Variants in SPHKAP observed in about 807,000 individuals in gnomAD.
SPHKAP encodes the protein SPHK1 interactor, AKAP domain containing.
Under a neutral mutation model 137.5 loss-of-function variants are expected in SPHKAP, and 67 were observed. The ratio of observed to expected loss-of-function variants is 0.49; its 90% confidence interval spans 0.40 to 0.60. SPHKAP has a LOEUF of 0.60. SPHKAP is among the 20% of genes least tolerant of loss of function. The pLI is 0.00. For synonymous variants in SPHKAP, 813 were observed against 785.3 expected, an observed-to-expected ratio of 1.04 and a Z score of -0.59; for missense variants, 2,097 against 2,069.3, an observed-to-expected ratio of 1.01 and a Z score of -0.26.
rs149661483 is a variant in SPHKAP, at chr2:228,026,333, A to G, written c.307-805T>C. 6.8e-4 allele frequency among the ~76,000 whole-genome samples: 104 copies of G among 152,320 alleles called. 1 individual carries two copies. Among genetic ancestry groups the G allele is most frequent in the Middle Eastern group, 3.4e-3 (1 of 294 alleles). ...TAATAATTATAATAAAATTGTGACT[A>G]GCATTGATTTTACTCTGTGTACTAA... On this transcript the variant is annotated intron_variant, in intron 4 of 11. Coordinates refer to ENST00000392056, the MANE Select transcript of SPHKAP (RefSeq NM_001142644.2).
intron 1 of SPHKAP, among the ~76,000 whole-genome samples, chr2:228,162,295 A>G (rs918008154): frequency 6.6e-6 from 1 of 152,210 alleles, no homozygotes; most frequent in Non-Finnish European, 1.5e-5. Context: ...TTCAGAATCA[A>G]AAGAGCTAAA....
intron 1 of SPHKAP, among the ~76,000 whole-genome samples, chr2:228,135,378 G>A (rs190580052): frequency 7.2e-5 from 11 of 152,204 alleles, no homozygotes; most frequent in African/African-American, 2.4e-4. Flanking sequence ...CCAAAATTGG[G>A]GTGATGTAAA....
chr2:228,172,013 A>C (rs922613340), intron 1 of SPHKAP, among the ~76,000 whole-genome samples: 1 of 151,220 alleles, frequency 6.6e-6, no homozygotes, highest in Non-Finnish European at 1.5e-5. Flanking sequence ...AGAGGCTTAT[A>C]AATTATGGTA....
intron 1 of SPHKAP, among the ~76,000 whole-genome samples, chr2:228,152,182 T>G (rs2106400562): frequency 6.6e-6 from 1 of 152,274 alleles, no homozygotes; most frequent in African/African-American, 2.4e-5. Context: ...TTTCTAAAGG[T>G]TTCGGTTGTA....
chr2:228,031,525 C>T (rs1421342288), intron 3 of SPHKAP, among the ~76,000 whole-genome samples: 2 of 152,336 alleles, frequency 1.3e-5, no homozygotes, highest in East Asian at 3.9e-4. Context: ...AGTAGTGGTT[C>T]TCCCAGCACG....
chr2:228,152,125 G>T (rs1699952836), intron 1 of SPHKAP, among the ~76,000 whole-genome samples: 1 of 152,078 alleles, frequency 6.6e-6, no homozygotes, highest in South Asian at 2.1e-4. Context: ...GTTGAGAATT[G>T]CTTTATTCTC....
intron 1 of SPHKAP, among the ~76,000 whole-genome samples, chr2:228,173,273 T>C (rs1025115825): frequency 2.6e-5 from 4 of 152,190 alleles, no homozygotes; most frequent in African/African-American, 9.6e-5. Flanking sequence ...GAAAGATCAG[T>C]TTTTTGTTCA....
chr2:228,170,414 G>A (rs1285556388), intron 1 of SPHKAP, among the ~76,000 whole-genome samples: 1 of 152,124 alleles, frequency 6.6e-6, no homozygotes, highest in African/African-American at 2.4e-5. Flanking sequence ...CTATCAAACA[G>A]CATAGTATGC....
chr2:228,099,396 A>G (rs1317543075), intron 3 of SPHKAP, among the ~76,000 whole-genome samples: 1 of 152,028 alleles, frequency 6.6e-6, no homozygotes. Context: ...CTGTTTTTGT[A>G]CCAGTACCAT....
chr2:228,052,898 G>A (rs1696308847), intron 3 of SPHKAP, among the ~76,000 whole-genome samples: 1 of 152,122 alleles, frequency 6.6e-6, no homozygotes. Flanking sequence ...TCTCTAGGTT[G>A]ATTGGAAGGG....
Position 228,018,288 on chromosome 2 carries a change from A to G in SPHKAP, c.2566T>C (p.Ser856Pro). 1 of 1,614,188 alleles carries G rather than the reference A, an allele frequency of 6.2e-7. No individual in the cohort carries two copies. The highest frequency in any genetic ancestry group is 8.5e-7 in the Non-Finnish European group (1 of 1,180,032). ...GTTGGGGACCTTTGTCCTTCGGAAG[A>G]GGCTCTGCATTCATTCTCACTGTGA... ...PHHSENECRA[S>P]SEGQRSPTVS... Residue 856 changes from serine to proline, a missense_variant, in exon 7 of 12, where the codon TCT becomes CCT. Coordinates refer to ENST00000392056, the MANE Select transcript of SPHKAP (RefSeq NM_001142644.2).
intron 1 of SPHKAP, among the ~76,000 whole-genome samples, chr2:228,150,244 G>C (rs1378662796): frequency 6.6e-6 from 1 of 152,120 alleles, no homozygotes; most frequent in Non-Finnish European, 1.5e-5. Context: ...TTGGGCAGCT[G>C]TTCTTTTGAT....
intron 3 of SPHKAP, among the ~76,000 whole-genome samples, chr2:228,051,722 A>C (rs10173206): frequency 6.6e-6 from 1 of 152,252 alleles, no homozygotes; most frequent in Non-Finnish European, 1.5e-5. Context: ...TTACACTGGA[A>C]AATATTTAAA....
chr2:228,125,193 G>A (rs894869868), intron 2 of SPHKAP, among the ~76,000 whole-genome samples: 21 of 152,040 alleles, frequency 1.4e-4, no homozygotes, highest in East Asian at 1.9e-4. Flanking sequence ...GCAGAGACTC[G>A]GTTTCACTAT....
intron 2 of SPHKAP, among the ~76,000 whole-genome samples, chr2:228,119,370 A>G (rs550373995): frequency 2.8e-4 from 43 of 152,166 alleles, no homozygotes; most frequent in Admixed American, 1.3e-3. Context: ...AAACATTTTT[A>G]GTATAATTTT....
intron 3 of SPHKAP, among the ~76,000 whole-genome samples, chr2:228,039,848 G>C (rs1392552634): frequency 6.6e-6 from 1 of 152,156 alleles, no homozygotes; most frequent in Admixed American, 6.5e-5. Context: ...TATCATAAGT[G>C]CAGTTTTATG....
Position 228,143,477 on chromosome 2 carries a change from ATTTTAT to A in SPHKAP, c.33-11398_33-11393del, listed in dbSNP as rs535981484. On this transcript the variant is annotated intron_variant, in intron 1 of 11. Transcript: ENST00000392056. ...CATTCAGGTCATTTCTTTCTTTTAA[ATTTTAT>A]TTTTATTTTTAATTTTAATTTTAAT... 3.0e-4 allele frequency among the ~76,000 whole-genome samples: 45 copies of A among 151,930 alleles called. No homozygotes were observed. In the South Asian group the frequency reaches 8.5e-3, roughly 29 times the overall value.
At chr2:228,099,481 G>A (rs1183855468) in intron 3 of SPHKAP, among the ~76,000 whole-genome samples, 1 of 152,002 alleles carries the variant, frequency 6.6e-6, no homozygotes, top group Non-Finnish European at 1.5e-5. Context: ...TGTTATTTTT[G>A]CTTAGAATTG....
At chr2:227,987,136 T>C (rs1293284382) in intron 11 of SPHKAP, among the ~76,000 whole-genome samples, 1 of 152,192 alleles carries the variant, frequency 6.6e-6, no homozygotes, top group Non-Finnish European at 1.5e-5. Flanking sequence ...ACATCACTTG[T>C]GGGAAATTGT....
Sources: gnomAD v4.1 joint callset for allele counts (sites outside exome capture counted in the v4.1 genomes callset) on GRCh38, gnomAD v4.1.1 for gene constraint, MANE v1.5 for transcripts, NCBI Gene and HGNC (gene_info 2026-07-23, HGNC 2026-07-21) for gene names.